The following PIEZO1 variants were observed in gnomAD, a reference collection of about 807,000 sequenced individuals.
The protein encoded by PIEZO1 is piezo-type mechanosensitive ion channel component 1.
A neutral mutation model predicts 297.2 loss-of-function variants in PIEZO1; 296 were observed. That is an observed-to-expected ratio of 1.00 (90% CI 0.91 to 1.10). PIEZO1 has a LOEUF of 1.10. PIEZO1 is among the 50% of genes least tolerant of loss of function. PIEZO1 has a pLI of 0.00. For missense variants in PIEZO1, 5,018 were observed against 3,455.5 expected, an observed-to-expected ratio of 1.45 and a Z score of -11.34; for synonymous variants, 2,427 against 1,507.5, an observed-to-expected ratio of 1.61 and a Z score of -14.13.
At position 88,736,656 on chromosome 16, in the gene PIEZO1, C is replaced by T. The variant is rs776889825; in HGVS notation, c.1279G>A (p.Ala427Thr). ...HLIMDQSYVC[A>T]LIAMMVWSIT... ...CCGCCTACCATCATGGCAATGAGCGCGCACACATAGCTCTGGTCCATGATG... is the reference window on the plus strand; with the variant it reads ...CCGCCTACCATCATGGCAATGAGCGTGCACACATAGCTCTGGTCCATGATG... Residue 427 changes from alanine (A) to threonine (T), a missense_variant, in exon 11 of 51, where the codon GCG becomes ACG. By Grantham distance (58) the Ala-to-Thr change is moderately conservative. Transcript: ENST00000301015. 2.7e-5 allele frequency: 42 copies of T among 1,532,436 alleles called. 1 individual carries two copies. The highest frequency in any genetic ancestry group is 2.2e-4 in the Admixed American group (11 of 50,882). The allele number at this position is 1,532,436 out of a possible 1,614,324, so 94.9% of individuals were successfully genotyped here. A position where few individuals can be genotyped will look rare whatever the true frequency, so the allele number is the denominator to read the frequency against.
chr16:88,780,723 G>A (rs1483255784), intron 1 of PIEZO1, among the ~76,000 whole-genome samples: 1 of 152,254 alleles, frequency 6.6e-6, no homozygotes, highest in East Asian at 1.9e-4. Context: ...CACTTTTGGA[G>A]GCTGAGGCGG....
chr16:88,771,729 G>C (rs1408081125), intron 1 of PIEZO1, among the ~76,000 whole-genome samples: 1 of 152,020 alleles, frequency 6.6e-6, no homozygotes. Flanking sequence ...CCGTCCACCC[G>C]CGGCCCCAGG....
intron 31 of PIEZO1, among the ~76,000 whole-genome samples, chr16:88,723,669 C>T (rs1372045099): frequency 6.6e-6 from 1 of 152,264 alleles, no homozygotes; most frequent in Non-Finnish European, 1.5e-5. Flanking sequence ...GACCGTGGGG[C>T]AGCAGGCTAC....
intron 1 of PIEZO1, among the ~76,000 whole-genome samples, chr16:88,751,950 C>A (rs992499160): frequency 6.6e-6 from 1 of 152,192 alleles, no homozygotes; most frequent in Non-Finnish European, 1.5e-5. Context: ...GTTCGAAGCC[C>A]GTGGCAGGGC....
intron 5 of PIEZO1, chr16:88,740,545 T>A (rs1314176835): frequency 6.6e-6 from 1 of 152,336 alleles, no homozygotes; most frequent in East Asian, 1.9e-4. Flanking sequence ...GACCTCCAGG[T>A]CCCCGTTCCC....
chr16:88,773,849 G>C (rs1907537650), intron 1 of PIEZO1, among the ~76,000 whole-genome samples: 2 of 152,128 alleles, frequency 1.3e-5, no homozygotes, highest in Non-Finnish European at 2.9e-5. Flanking sequence ...CAGCCCTCCA[G>C]TGCAGGGCCC....
At position 88,716,848 on chromosome 16, in the gene PIEZO1, G is replaced by T; in HGVS notation, c.6711C>A (p.Ala2237=). The T allele has an allele frequency of 6.5e-7, 1 of 1,550,120 alleles. No homozygotes were observed. The change falls in exon 46 of 51, where the codon GCC becomes GCA. Residue 2237 remains alanine, a synonymous_variant. Transcript: ENST00000301015. The part of the protein sequence containing the change: ...AQQPSIIPFT[A]QAYEELSRQF... Reference sequence around the variant, plus strand: ...GCCGGGACAGCTCCTCATAGGCCTGGGCCGTGAAGGGGATGATGGACGGCT... The same window carrying T: ...GCCGGGACAGCTCCTCATAGGCCTGTGCCGTGAAGGGGATGATGGACGGCT...
Position 88,734,369 on chromosome 16 carries a change from G to C in PIEZO1, c.2167C>G (p.Arg723Gly). The change falls in exon 16 of 51, where the codon CGC (arginine) becomes GGC (glycine). Residue 723 changes from arginine to glycine, a missense_variant. Physicochemically the swap from Arg to Gly is moderately radical, Grantham distance 125 (BLOSUM62 -2). Coordinates refer to ENST00000301015, the MANE Select transcript of PIEZO1 (RefSeq NM_001142864.4). ...GCGGGGCCGCACCTGTGAGCCCAGC[G>C]CGGGAGGCGCGTGCCAGGCAGGGAC... Reference protein sequence around the residue: ...HVSLPGTRLPRWAHRQDAVSG... With the variant: ...HVSLPGTRLPGWAHRQDAVSG... 1 of 1,538,722 alleles carries C rather than the reference G, an allele frequency of 6.5e-7. No individual in the cohort carries two copies. The highest frequency in any genetic ancestry group is 8.8e-7 in the Non-Finnish European group (1 of 1,140,782).
At chr16:88,748,865 G>A (rs537567804) in intron 2 of PIEZO1, among the ~76,000 whole-genome samples, 14 of 150,818 alleles carry the variant, frequency 9.3e-5, no homozygotes, top group Admixed American at 4.0e-4. Flanking sequence ...CCTGGGATGC[G>A]GAGGTTGCAG....
intron 1 of PIEZO1, among the ~76,000 whole-genome samples, chr16:88,766,604 G>A (rs1597483544): frequency 1.3e-5 from 2 of 152,318 alleles, no homozygotes; most frequent in African/African-American, 2.4e-5. Flanking sequence ...CCAGCTGACT[G>A]AGCTTGACAG....
At position 88,742,213 on chromosome 16, in the gene PIEZO1, A is replaced by AC. The variant is rs1186258139; in HGVS notation, c.283+86dup. On this transcript the variant is annotated intron_variant, in intron 3 of 50. Coordinates refer to ENST00000301015, the MANE Select transcript of PIEZO1 (RefSeq NM_001142864.4). Reference sequence around the variant, plus strand: ...GCCAGACATAAATCAGGCTGAGTCAACCCCCCCAGGAGACTCGGGGTCACT... The same window carrying AC: ...GCCAGACATAAATCAGGCTGAGTCAACCCCCCCCAGGAGACTCGGGGTCACT... 43 of 1,494,420 alleles carry AC rather than the reference A, an allele frequency of 2.9e-5. 1 individual carries two copies. Among genetic ancestry groups the AC allele is most frequent in the South Asian group, 1.3e-4 (10 of 79,970 alleles). The allele number at this position is 1,494,420 out of a possible 1,614,324, so 92.6% of individuals were successfully genotyped here. A position where few individuals can be genotyped will look rare whatever the true frequency, so the allele number is the denominator to read the frequency against.
Position 88,720,602 on chromosome 16 carries a change from C to T in PIEZO1, c.5801+14G>A, listed in dbSNP as rs546524745. The T allele has an allele frequency of 5.5e-5, 85 of 1,541,700 alleles. No individual in the cohort carries two copies. Among genetic ancestry groups the T allele is most frequent in the African/African-American group, 3.4e-4 (25 of 72,848 alleles). On this transcript the variant is annotated intron_variant, in intron 40 of 50. Coordinates refer to ENST00000301015, the MANE Select transcript of PIEZO1 (RefSeq NM_001142864.4). ...ACCCCCACTCCCCAGCTGCCCCCGGCCGCCATCACTCACAGGGACAGGCAG... is the reference window on the plus strand; with the variant it reads ...ACCCCCACTCCCCAGCTGCCCCCGGTCGCCATCACTCACAGGGACAGGCAG...
rs1282112882 is a variant in PIEZO1 at position 88,737,805 on chromosome 16, C to G, written c.1030G>C (p.Ala344Pro). The change falls in exon 9 of 51, where the codon GCG (alanine) becomes CCG (proline). Residue 344 changes from alanine to proline, a missense_variant. Coordinates refer to ENST00000301015, the MANE Select transcript of PIEZO1 (RefSeq NM_001142864.4). ...AYRPSGQRKE[A>P]AKGYEARELE... ...TCCCGAGCCTCATACCCCTTTGCCG[C>G]CTCCTTCCTCTGCAGAGACCAGCGT... 1 of 1,535,734 alleles carries G rather than the reference C, an allele frequency of 6.5e-7. No homozygotes were observed. The highest frequency in any genetic ancestry group is 8.7e-7 in the Non-Finnish European group (1 of 1,146,730).
intron 1 of PIEZO1, among the ~76,000 whole-genome samples, chr16:88,764,751 C>CA (rs532714692): frequency 0.056 from 5,055 of 90,296 alleles, 223 homozygotes; most frequent in African/African-American, 0.13. Flanking sequence ...AACTCCGTCT[C>CA]AAAAAAAAAA....
intron 1 of PIEZO1, among the ~76,000 whole-genome samples, chr16:88,776,209 T>C (rs896099364): frequency 2.0e-5 from 3 of 151,746 alleles, no homozygotes; most frequent in African/African-American, 7.3e-5. Context: ...CCGAGGCGGG[T>C]GGATCATGAG....
chr16:88,731,687 C>A lies in PIEZO1; in HGVS notation c.3196+19G>T, dbSNP rs148039351. 23,066 of 1,545,880 alleles carry A rather than the reference C, an allele frequency of 0.015. 218 individuals carry two copies. The highest frequency in any genetic ancestry group is 0.017 in the Non-Finnish European group (19,177 of 1,144,082). On this transcript the variant is annotated intron_variant, in intron 22 of 50. Coordinates refer to ENST00000301015, the MANE Select transcript of PIEZO1 (RefSeq NM_001142864.4). ...CAAAGCCACAAAGCCCACTCCCACC[C>A]AAGCCACGTGCCCCTCACCAATGCA... is the stretch of plus-strand genomic sequence containing the variant.
chr16:88,719,827 G>T lies in PIEZO1; in HGVS notation c.6298C>A (p.His2100Asn). ...LGNFLTKKYN[H>N]LNLFLFQGFR... Reference sequence around the variant, plus strand: ...CCCTGGAAGAGGAAGAGGTTGAGATGATTGTACTTCTTGGTGAGGAAGTTG... The same window carrying T: ...CCCTGGAAGAGGAAGAGGTTGAGATTATTGTACTTCTTGGTGAGGAAGTTG... The change falls in exon 43 of 51, where the codon CAT becomes AAT. Residue 2100 changes from histidine (H) to asparagine (N), a missense_variant. Coordinates refer to ENST00000301015, the MANE Select transcript of PIEZO1 (RefSeq NM_001142864.4). 1.9e-6 allele frequency: 3 copies of T among 1,550,576 alleles called. No individual in the cohort carries two copies. Among genetic ancestry groups the T allele is most frequent in the Non-Finnish European group, 8.7e-7 (1 of 1,146,956 alleles).
chr16:88,734,829 G>A (rs749604949), intron 14 of PIEZO1, 31 bp from the exon 15 acceptor site: 36 of 1,550,032 alleles, frequency 2.3e-5, no homozygotes, highest in African/African-American at 1.8e-4. Context: ...GGTGAGGACC[G>A]CGGGGAGGGT....
At chr16:88,749,517 G>C (rs1452278473) in intron 1 of PIEZO1, 38 bp from the exon 2 acceptor site, 8 of 1,450,700 alleles carry the variant, frequency 5.5e-6, no homozygotes, top group East Asian at 5.1e-5. Flanking sequence ...CGCCAACAGA[G>C]GATGGCCAGC....
Sources: gnomAD v4.1 joint callset for allele counts (sites outside exome capture counted in the v4.1 genomes callset) on GRCh38, gnomAD v4.1.1 for gene constraint, MANE v1.5 for transcripts, NCBI Gene and HGNC (gene_info 2026-07-23, HGNC 2026-07-21) for gene names.